Variants in CCDC33 observed in about 807,000 individuals in gnomAD.
CCDC33 encodes the protein coiled-coil domain containing 33.
Under a neutral mutation model 91.9 loss-of-function variants are expected in CCDC33, and 94 were observed. The observed-to-expected ratio is 1.02, with a 90% CI of 0.87 to 1.21. The LOEUF is 1.21. CCDC33 is among the 50% of genes most tolerant of loss of function. CCDC33 has a pLI of 0.00. For synonymous variants in CCDC33, 396 were observed against 374.5 expected (o/e 1.06, Z -0.66); for missense variants, 940 against 935.5 (o/e 1.00, Z -0.06).
chr15:74,332,951 A>G (rs2060472034), intron 16 of CCDC33, 106 bp downstream of exon 16: 5 of 1,366,022 alleles, frequency 3.7e-6, no homozygotes, highest in Admixed American at 2.4e-5. Flanking sequence ...TAAGCTTCCC[A>G]GGGTCTCCAG....
intron 2 of CCDC33, among the ~76,000 whole-genome samples, chr15:74,254,357 C>T (rs1020229862): frequency 3.3e-5 from 5 of 152,136 alleles, no homozygotes; most frequent in Non-Finnish European, 5.9e-5. Context: ...AAAGAGAAAC[C>T]AGAAATCCAA....
At chr15:74,219,289 G>C (rs75367305) in intron 2 of CCDC33, among the ~76,000 whole-genome samples, 8,625 of 152,270 alleles carry the variant, frequency 0.057, 285 homozygotes, top group East Asian at 0.13. Context: ...CCAGGTGAGA[G>C]AGTCTAGTCC....
rs1412728636 is a variant in CCDC33, at chr15:74,331,014, T to C, written c.1579T>C (p.Tyr527His). 4 of 1,608,516 alleles carry C rather than the reference T, an allele frequency of 2.5e-6. No homozygotes were observed. In the Admixed American group the frequency reaches 6.8e-5, roughly 27 times the overall value. ...NDREKELLLL[Y>H]QAQQPQAALL... ...TCGAGAGAAGGAGCTGCTCCTTCTG[T>C]ATCAGGCCCAGCAGCCACAGGCCGC... The change falls in exon 14 of 19, where the codon TAT becomes CAT. Residue 527 changes from tyrosine to histidine, a missense_variant. Coordinates refer to ENST00000398814, the MANE Select transcript of CCDC33 (RefSeq NM_025055.5).
upstream of CCDC33, among the ~76,000 whole-genome samples, chr15:74,233,511 G>A (rs574433950): frequency 1.4e-3 from 210 of 152,350 alleles, 1 homozygote; most frequent in African/African-American, 4.7e-3. Flanking sequence ...TTTCTGCAGA[G>A]AGATTGGAGA....
chr15:74,268,616 C>T (rs986624708), intron 5 of CCDC33, among the ~76,000 whole-genome samples, 158 bp downstream of exon 5: 2 of 152,250 alleles, frequency 1.3e-5, no homozygotes, highest in East Asian at 3.8e-4. Context: ...TCCAAAATAG[C>T]AAAAGGAGTT....
At chr15:74,302,457 T>G (rs1317492173) in intron 11 of CCDC33, 1 of 152,270 alleles carries the variant, frequency 6.6e-6, no homozygotes, top group African/African-American at 2.4e-5. Flanking sequence ...ACCATGTGCC[T>G]TGGTTTCTCC....
At chr15:74,211,943 C>G (rs2074372599) in intron 2 of CCDC33, among the ~76,000 whole-genome samples, 1 of 152,128 alleles carries the variant, frequency 6.6e-6, no homozygotes, top group Non-Finnish European at 1.5e-5. Context: ...GTTTCTCTCT[C>G]CTGCTCTTTG....
At position 74,221,109 on chromosome 15, in the gene CCDC33, C is replaced by T. The variant is rs567238745; in HGVS notation, c.675+2248C>T. 278 of 756,962 alleles carry T rather than the reference C, an allele frequency of 3.7e-4. 2 individuals are homozygous for T. In the South Asian group the frequency reaches 0.013, roughly 35 times the overall value. The allele number at this position is 756,962 out of a possible 1,614,324, so 46.9% of individuals were successfully genotyped here. On this transcript the variant is annotated intron_variant, in intron 2 of 2. Coordinates refer to the CCDC33 transcript ENST00000635913. ...ATTGATTTTATCCCTCCCAAGTTAT[C>T]CTCAGTCCTGACTGTGATCAGGCAT...
chr15:74,207,279 T>TCC (rs2074280942), intron 1 of CCDC33, among the ~76,000 whole-genome samples: 1 of 151,836 alleles, frequency 6.6e-6, no homozygotes, highest in Non-Finnish European at 1.5e-5. Flanking sequence ...CTCAGAAACA[T>TCC]CCCCTCAAGG....
intron 2 of CCDC33, among the ~76,000 whole-genome samples, chr15:74,260,038 C>T (rs2075978011): frequency 6.6e-6 from 1 of 152,218 alleles, no homozygotes; most frequent in African/African-American, 2.4e-5. Flanking sequence ...CCTTATTGTG[C>T]ACTAACTATA....
rs369047254 is a variant in CCDC33 at position 74,271,795 on chromosome 15, G to A, written c.638+1G>A. ...TCGTTCCCAACTACAAGGAATTTAA[G>A]TGAGTGGGGCCCAGGTGGACCTGGG... On this transcript the variant is annotated splice_donor_variant, in intron 6 of 18. Transcript: ENST00000398814. LOFTEE classifies it high-confidence loss of function. 112 of 1,613,534 alleles carry A rather than the reference G, an allele frequency of 6.9e-5. No homozygotes were observed. The highest frequency in any genetic ancestry group is 8.6e-5 in the Non-Finnish European group (102 of 1,179,530).
intron 1 of CCDC33, among the ~76,000 whole-genome samples, chr15:74,205,869 G>A (rs2074249606): frequency 6.6e-6 from 1 of 152,236 alleles, no homozygotes; most frequent in Admixed American, 6.5e-5. Flanking sequence ...CTTTTCCCCT[G>A]GTGGGGGCCT....
intron 11 of CCDC33, chr15:74,299,664 A>T (rs374526082): frequency 6.6e-6 from 1 of 152,292 alleles, no homozygotes; most frequent in Non-Finnish European, 1.5e-5. Flanking sequence ...CTGTATGCTC[A>T]GTCAACCTGG....
At chr15:74,226,221 G>A (rs2074791224) in intron 2 of CCDC33, among the ~76,000 whole-genome samples, 1 of 152,198 alleles carries the variant, frequency 6.6e-6, no homozygotes, top group Non-Finnish European at 1.5e-5. Flanking sequence ...CATGAGCTGG[G>A]TGGTCGTCAA....
At chr15:74,318,756 TC>T in intron 11 of CCDC33, 1 of 674,022 alleles carries the variant, frequency 1.5e-6, no homozygotes, top group Non-Finnish European at 2.7e-6. Context: ...GTAGAGGTGT[TC>T]CCAGAGCCTC....
At chr15:74,307,527 A>C (rs542368988) in intron 11 of CCDC33, among the ~76,000 whole-genome samples, 8 of 152,062 alleles carry the variant, frequency 5.3e-5, no homozygotes, top group Admixed American at 2.6e-4. Flanking sequence ...CCAGCCTAGC[A>C]CTTGAGCCTT....
upstream of CCDC33, among the ~76,000 whole-genome samples, chr15:74,215,907 AAAG>A (rs1220227292): frequency 6.6e-6 from 1 of 151,556 alleles, no homozygotes. Flanking sequence ...AGAAAGAAAG[AAAG>A]AAAAAAAGTT....
At position 74,218,747 on chromosome 15, in the gene CCDC33, TGTG is replaced by T; in HGVS notation, c.563_565del (p.Val188del). On this transcript the variant is annotated inframe_deletion, in exon 2 of 3. Transcript: ENST00000635913. This position sits in a 1 kb window ranked among gnomAD's most constrained non-coding sequence, Gnocchi z 4.8. The stretch of plus-strand genomic sequence containing the variant: ...GACACTGTGGGAGCCTGGCCTACAG[TGTG>T]GCCTTCCACGTCCACCGGGGCCCTC... The T allele has an allele frequency of 1.6e-6, 2 of 1,289,676 alleles. No individual in the cohort carries two copies. The highest frequency in any genetic ancestry group is 2.0e-6 in the Non-Finnish European group (2 of 988,794). The allele number at this position is 1,289,676 out of a possible 1,614,324, so 79.9% of individuals were successfully genotyped here. A position where few individuals can be genotyped will look rare whatever the true frequency, so the allele number is the denominator to read the frequency against.
intron 3 of CCDC33, 47 bp from the exon 4 acceptor site, chr15:74,266,631 A>G: frequency 7.6e-7 from 1 of 1,313,488 alleles, no homozygotes; most frequent in Non-Finnish European, 1.1e-6. Context: ...TGGGAGAGAA[A>G]GGGATCCATT....
Sources: gnomAD v4.1 joint callset for allele counts (sites outside exome capture counted in the v4.1 genomes callset) on GRCh38, gnomAD v4.1.1 for gene constraint, Gnocchi (gnomAD v3.1) non-coding constraint, MANE v1.5 for transcripts, NCBI Gene and HGNC (gene_info 2026-07-23, HGNC 2026-07-21) for gene names.